The following FHL2 variants were observed in gnomAD, a reference collection of about 807,000 sequenced individuals.
FHL2 encodes the protein four and a half LIM domains protein 2.
Under a neutral mutation model 32.7 loss-of-function variants are expected in FHL2, and 20 were observed. The ratio of observed to expected loss-of-function variants is 0.61; its 90% CI spans 0.43 to 0.89. The LOEUF (loss-of-function observed/expected upper bound fraction) is 0.89, where lower values mean the gene tolerates loss of function less well. Among genes scored for constraint, FHL2 ranks in the 40% least tolerant of loss-of-function variants. FHL2 has a pLI of 0.00. For synonymous variants in FHL2, 123 were observed against 128.1 expected (o/e 0.96, Z 0.27); for missense variants, 311 against 358.6 (o/e 0.87, Z 1.07).
At chr2:105,403,694 C>T (rs1384018997), upstream of FHL2, among the ~76,000 whole-genome samples, 1 of 152,182 alleles carries the variant, frequency 6.6e-6, no homozygotes, top group Non-Finnish European at 1.5e-5. Flanking sequence ...TTAGGGCTTC[C>T]AACTCTGGAC....
At chr2:105,393,767 T>C (rs188321469) in intron 2 of FHL2, among the ~76,000 whole-genome samples, 20 of 152,316 alleles carry the variant, frequency 1.3e-4, no homozygotes, top group Admixed American at 1.1e-3. Flanking sequence ...AAACCCAACA[T>C]GTAATGTGGT....
At chr2:105,361,813 T>C (rs1344846483) in intron 6 of FHL2, among the ~76,000 whole-genome samples, 3 of 152,178 alleles carry the variant, frequency 2.0e-5, no homozygotes, top group Non-Finnish European at 4.4e-5. Context: ...ACTTAATGAT[T>C]GAAGCAGTGA....
At position 105,360,908 on chromosome 2, in the gene FHL2, C is replaced by T. The variant is rs540935979; in HGVS notation, c.*375G>A. On this transcript the variant is annotated 3_prime_UTR_variant, in exon 7 of 7. Coordinates refer to ENST00000530340, the MANE Select transcript of FHL2 (RefSeq NM_001318895.3). ...CGGGAGGTTACAGAGCTGTAAATAA[C>T]AACTGGTCATTACCTTATTGAGTTT... The T allele has an allele frequency of 1.2e-5, 2 of 163,652 alleles. No individual in the cohort carries two copies. The highest frequency in any genetic ancestry group is 3.8e-4 in the South Asian group (2 of 5,276). The allele number at this position is 163,652 out of a possible 1,614,324, so 10.1% of individuals were successfully genotyped here. A position where few individuals can be genotyped will look rare whatever the true frequency, so the allele number is the denominator to read the frequency against.
At chr2:105,412,697 C>A (rs1051115525) in intron 1 of FHL2, among the ~76,000 whole-genome samples, 2 of 152,132 alleles carry the variant, frequency 1.3e-5, no homozygotes, top group African/African-American at 4.8e-5. Context: ...GGGCAGCATC[C>A]GCAGAGGTGG....
At chr2:105,417,023 C>A (rs187061216) in intron 1 of FHL2, among the ~76,000 whole-genome samples, 12 of 152,328 alleles carry the variant, frequency 7.9e-5, no homozygotes, top group Non-Finnish European at 1.2e-4. Flanking sequence ...TCAAGACAGT[C>A]ACAGTTCTTT....
chr2:105,410,884 A>C (rs897397857), intron 1 of FHL2, among the ~76,000 whole-genome samples: 12 of 152,214 alleles, frequency 7.9e-5, no homozygotes, highest in Non-Finnish European at 1.5e-4. Flanking sequence ...CAACATTCGA[A>C]AATGGACTTA....
chr2:105,378,239 T>C, intron 3 of FHL2: 1 of 467,504 alleles, frequency 2.1e-6, no homozygotes, highest in South Asian at 1.6e-5. Flanking sequence ...TTAAGACTGA[T>C]TCATTGACAC....
At chr2:105,402,442 T>G (rs545227967), upstream of FHL2, among the ~76,000 whole-genome samples, 5 of 151,988 alleles carry the variant, frequency 3.3e-5, no homozygotes, top group Non-Finnish European at 5.9e-5. Flanking sequence ...GACACGAGGT[T>G]TCATCATGTT....
At chr2:105,386,587 A>G in intron 2 of FHL2, 47 bp from the exon 3 acceptor site, 2 of 1,573,462 alleles carry the variant, frequency 1.3e-6, no homozygotes, top group Non-Finnish European at 1.7e-6. Context: ...CACTCTCTGA[A>G]AGGGGTGCAC....
At chr2:105,365,684 A>C (rs1057189763) in intron 5 of FHL2, among the ~76,000 whole-genome samples, 2 of 151,900 alleles carry the variant, frequency 1.3e-5, no homozygotes, top group African/African-American at 4.8e-5. Context: ...CAAAAAAAAA[A>C]AAAAAAAATT....
chr2:105,376,484 C>T (rs1247581495), intron 3 of FHL2: 1 of 152,154 alleles, frequency 6.6e-6, no homozygotes, highest in East Asian at 1.9e-4. Flanking sequence ...CATTAGAAGC[C>T]CTATCCACCC....
rs1380410873 is a variant in FHL2 at position 105,416,669 on chromosome 2, T to TA, written c.-25+21729dup. ...TTAGATTTAGAAAATATTGCTTCTA[T>TA]AGATCTTCCAAATGCTGATACATTT... On this transcript the variant is annotated intron_variant, in intron 1 of 5. Transcript: ENST00000393352. Among the ~76,000 whole-genome samples the TA allele has an allele frequency of 2.6e-5, 4 of 152,346 alleles. No individual in the cohort carries two copies. The East Asian group carries it at 7.7e-4, about 29-fold the overall frequency.
chr2:105,438,182 G>A (rs1238675721), intron 1 of FHL2, among the ~76,000 whole-genome samples: 1 of 152,182 alleles, frequency 6.6e-6, no homozygotes, highest in African/African-American at 2.4e-5. Flanking sequence ...TCTGGGCAGG[G>A]TGGCTTCTGT....
chr2:105,428,251 C>T (rs987277718), intron 1 of FHL2, among the ~76,000 whole-genome samples: 5 of 152,188 alleles, frequency 3.3e-5, no homozygotes, highest in African/African-American at 7.2e-5. Flanking sequence ...TGTGTAAGGG[C>T]GGCCCGTGCC....
At chr2:105,424,067 A>G (rs1277900333) in intron 1 of FHL2, among the ~76,000 whole-genome samples, 1 of 152,252 alleles carries the variant, frequency 6.6e-6, no homozygotes, top group African/African-American at 2.4e-5. Flanking sequence ...AGTAAAATCA[A>G]CTATCATCAG....
chr2:105,397,888 G>T (rs6717465), intron 1 of FHL2, among the ~76,000 whole-genome samples: 61,666 of 138,238 alleles, frequency 0.45, 13,030 homozygotes, highest in Admixed American at 0.55. Flanking sequence ...TTTGTTTTTT[G>T]TTTTTTTTTG....
Position 105,361,257 on chromosome 2 carries a change from C to T in FHL2, c.*26G>A. On this transcript the variant is annotated 3_prime_UTR_variant, in exon 7 of 7. Coordinates refer to ENST00000530340, the MANE Select transcript of FHL2 (RefSeq NM_001318895.3). ...ACATAAAAATCTGTGTGTGAGATCA[C>T]AAGCAGCAACTTCTCTGTGTTGAAT... is the stretch of plus-strand genomic sequence containing the variant. 1 of 1,597,910 alleles carries T rather than the reference C, an allele frequency of 6.3e-7. No individual in the cohort carries two copies. The highest frequency in any genetic ancestry group is 8.5e-7 in the Non-Finnish European group (1 of 1,170,706).
chr2:105,365,051 G>A (rs1450942676), intron 5 of FHL2, among the ~76,000 whole-genome samples: 1 of 152,184 alleles, frequency 6.6e-6, no homozygotes, highest in African/African-American at 2.4e-5. Flanking sequence ...TGCAACATGT[G>A]TCCTCAGTCC....
At chr2:105,377,885 T>C in intron 3 of FHL2, 1 of 370,186 alleles carries the variant, frequency 2.7e-6, no homozygotes. Flanking sequence ...TTTTACATGG[T>C]GGCTGCCCTG....
Sources: allele counts gnomAD v4.1 joint callset (sites outside exome capture counted in the v4.1 genomes callset), GRCh38; gene constraint gnomAD v4.1.1; transcripts MANE v1.5; gene names NCBI Gene and HGNC (gene_info 2026-07-23, HGNC 2026-07-21).